KIF23: variants seen among roughly 807,000 people sequenced by gnomAD.
KIF23 encodes kinesin family member 23.
Under a neutral mutation model 137.5 loss-of-function variants are expected in KIF23, and 30 were observed. The ratio of observed to expected loss-of-function variants is 0.22; its 90% confidence interval spans 0.16 to 0.30. The LOEUF is 0.30. Among genes scored for constraint, KIF23 ranks in the 10% least tolerant of loss-of-function variants. KIF23 has a pLI of 1.00. For synonymous variants in KIF23, 367 were observed against 391.1 expected, an observed-to-expected ratio of 0.94 and a Z score of 0.73; for missense variants, 920 against 1,194.3, an observed-to-expected ratio of 0.77 and a Z score of 3.38.
chr15:69,414,450 C>G lies in KIF23; in HGVS notation c.-16C>G. The G allele has an allele frequency of 6.3e-7, 1 of 1,586,470 alleles. No individual in the cohort carries two copies. The highest frequency in any genetic ancestry group is 8.6e-7 in the Non-Finnish European group (1 of 1,166,866). ...CCGTCCCGCATGCGCGTTTGGGCGG[C>G]GTGGAGCCTGCTGCCATGAAGTCAG... On this transcript the variant is annotated 5_prime_UTR_variant, in exon 1 of 24. Transcript: ENST00000679126.
intron 9 of KIF23, 26 bp downstream of exon 9, chr15:69,426,208 A>G (rs376655608): frequency 1.1e-4 from 169 of 1,590,544 alleles, no homozygotes; most frequent in Non-Finnish European, 1.4e-4. Flanking sequence ...AACTAGAAAA[A>G]TACAGAATGA....
rs150343049 is a variant in KIF23 at position 69,417,271 on chromosome 15, C to G, written c.82-112C>G. 1.2e-3 allele frequency: 1,263 copies of G among 1,037,946 alleles called. 1 individual carries two copies. The highest frequency in any genetic ancestry group is 1.6e-3 in the Non-Finnish European group (1,157 of 746,100). The allele number at this position is 1,037,946 out of a possible 1,614,324, so 64.3% of individuals were successfully genotyped here. On this transcript the variant is annotated intron_variant, in intron 2 of 23. Transcript: ENST00000679126. ...TCTTAGCCCTTGGAGATACAGAGCT[C>G]TTAAATTGAGAGACTGAATGTTTGT...
At chr15:69,429,827 C>T (rs2140354913) in intron 11 of KIF23, among the ~76,000 whole-genome samples, 1 of 152,082 alleles carries the variant, frequency 6.6e-6, no homozygotes, top group East Asian at 1.9e-4. Flanking sequence ...TCAAGACCAG[C>T]CTTGGCAACA....
At chr15:69,426,576 G>A (rs1475935480) in intron 10 of KIF23, 119 bp downstream of exon 10, 25 of 1,094,312 alleles carry the variant, frequency 2.3e-5, no homozygotes, top group Non-Finnish European at 3.4e-5. Flanking sequence ...AAATCAGCCA[G>A]GCATGGTGAT....
intron 3 of KIF23, among the ~76,000 whole-genome samples, chr15:69,418,132 C>T (rs2140312799): frequency 6.6e-6 from 1 of 152,304 alleles, no homozygotes; most frequent in East Asian, 1.9e-4. Context: ...ATTCAGGCTA[C>T]CATTTCTACT....
At chr15:69,447,191 T>C (rs1468101201) in intron 23 of KIF23, among the ~76,000 whole-genome samples, 1 of 152,216 alleles carries the variant, frequency 6.6e-6, no homozygotes. Context: ...GTGGCTCATG[T>C]TCATATTCTG....
At chr15:69,441,711 CATTA>C (rs1397180398) in intron 19 of KIF23, among the ~76,000 whole-genome samples, 1 of 151,380 alleles carries the variant, frequency 6.6e-6, no homozygotes, top group Non-Finnish European at 1.5e-5. Context: ...AGAAAATCAA[CATTA>C]ATTAATTATC....
intron 23 of KIF23, among the ~76,000 whole-genome samples, chr15:69,447,166 G>A (rs977154778): frequency 2.6e-5 from 4 of 152,218 alleles, no homozygotes; most frequent in African/African-American, 9.7e-5. Flanking sequence ...CAAGGCAGGC[G>A]GTGGTGGAAG....
chr15:69,420,030 C>T (rs927887218), intron 3 of KIF23, among the ~76,000 whole-genome samples: 4 of 151,912 alleles, frequency 2.6e-5, no homozygotes, highest in East Asian at 3.9e-4. Flanking sequence ...TTTGGGAGGC[C>T]GAGGCAGAGG....
intron 11 of KIF23, chr15:69,435,002 C>T (rs922172551): frequency 8.2e-6 from 5 of 608,910 alleles, no homozygotes; most frequent in African/African-American, 7.3e-5. Context: ...ACAGCACGGA[C>T]TCGCTCAACA....
chr15:69,438,658 G>C (rs1204513811), intron 16 of KIF23, among the ~76,000 whole-genome samples: 1 of 152,158 alleles, frequency 6.6e-6, no homozygotes, highest in South Asian at 2.1e-4. Context: ...AAAGTTAGCT[G>C]GGCGTGGTGG....
chr15:69,423,327 C>T lies in KIF23; in HGVS notation c.732C>T (p.Pro244=). 6.4e-7 allele frequency: 1 copy of T among 1,550,724 alleles called. No individual in the cohort carries two copies. Reference sequence around the variant, plus strand: ...AGGTGCCGTTTGATCCCATAAAACCCAAGTAAGTAATAAAGAGAGCCCCTT... The same window carrying T: ...AGGTGCCGTTTGATCCCATAAAACCTAAGTAAGTAATAAAGAGAGCCCCTT... ...LEEVPFDPIK[P]KWNSCSTPMR... is the part of the protein sequence containing the mutation. Residue 244 remains proline, a splice_region_variant and synonymous_variant, in exon 7 of 24, where the codon CCC becomes CCT. Coordinates refer to ENST00000679126, the MANE Select transcript of KIF23 (RefSeq NM_001367805.3).
At chr15:69,439,199 T>A (rs1316332047) in intron 16 of KIF23, among the ~76,000 whole-genome samples, 2 of 152,198 alleles carry the variant, frequency 1.3e-5, no homozygotes, top group Non-Finnish European at 2.9e-5. Context: ...TTTAATTTTA[T>A]GAGAGTTTTA....
intron 14 of KIF23, 126 bp downstream of exon 14, chr15:69,436,387 T>G (rs1326806951): frequency 3.8e-6 from 5 of 1,327,192 alleles, no homozygotes; most frequent in East Asian, 2.4e-5. Flanking sequence ...CATAATAATT[T>G]GAACAAAATT....
intron 11 of KIF23, among the ~76,000 whole-genome samples, chr15:69,431,683 C>A (rs566914148): frequency 1.6e-4 from 24 of 151,778 alleles, no homozygotes; most frequent in African/African-American, 5.3e-4. Flanking sequence ...TGGAGAGGAA[C>A]AAGCTGAGAG....
In KIF23 at chr15:69,445,059, A is replaced by G; in HGVS notation, c.2673+18A>G. 6.3e-7 allele frequency: 1 copy of G among 1,590,858 alleles called. No individual in the cohort carries two copies. The highest frequency in any genetic ancestry group is 8.6e-7 in the Non-Finnish European group (1 of 1,167,878). On this transcript the variant is annotated intron_variant, in intron 20 of 23. Coordinates refer to ENST00000679126, the MANE Select transcript of KIF23 (RefSeq NM_001367805.3). ...TAATTAAGGTAAAAAACTAATTTTC[A>G]CAGGAGAAAAAAATATATTTAAAAA...
rs2140324555 is a variant in KIF23 at position 69,421,727 on chromosome 15, C to A, written c.291C>A (p.Val97=). ...ELFDVVANPL[V]NDLIHGKNGL... ...TTGATGTTGTGGCTAATCCCTTGGT[C>A]AATGACCTCATTCATGGCAAAAATG... Residue 97 remains valine, a synonymous_variant, in exon 4 of 24, where the codon GTC becomes GTA. Coordinates refer to ENST00000679126, the MANE Select transcript of KIF23 (RefSeq NM_001367805.3). 6.2e-7 allele frequency: 1 copy of A among 1,613,070 alleles called. No individual in the cohort carries two copies. Among genetic ancestry groups the A allele is most frequent in the South Asian group, 1.1e-5 (1 of 90,986 alleles).
intron 16 of KIF23, among the ~76,000 whole-genome samples, chr15:69,439,140 C>T (rs1184286577): frequency 6.6e-6 from 1 of 151,900 alleles, no homozygotes; most frequent in Non-Finnish European, 1.5e-5. Flanking sequence ...TACTAATCCT[C>T]ATCCCATGCT....
intron 15 of KIF23, 22 bp from the exon 16 acceptor site, chr15:69,438,226 G>T: frequency 6.3e-7 from 1 of 1,582,286 alleles, no homozygotes; most frequent in Middle Eastern, 2.1e-4. Context: ...TGTAAAACTT[G>T]ACCTGTATGT....
Sources: allele counts gnomAD v4.1 joint callset (sites outside exome capture counted in the v4.1 genomes callset), GRCh38; gene constraint gnomAD v4.1.1; transcripts MANE v1.5; gene names NCBI Gene and HGNC (gene_info 2026-07-23, HGNC 2026-07-21).